Variants in EPPIN observed in about 807,000 individuals in gnomAD.
The protein encoded by EPPIN is WAP four-disulfide core domain protein 7.
In EPPIN, 14 loss-of-function variants were observed where a neutral mutation model predicts 18.8. The ratio of observed to expected loss-of-function variants is 0.75; its 90% CI spans 0.49 to 1.17. The LOEUF (loss-of-function observed/expected upper bound fraction) is 1.17, where lower values mean the gene tolerates loss of function less well. EPPIN is among the 50% of genes most tolerant of loss of function. The pLI is 0.00. For missense variants in EPPIN, 143 were observed against 154.2 expected, an observed-to-expected ratio of 0.93 and a Z score of 0.39; for synonymous variants, 57 against 54.8, an observed-to-expected ratio of 1.04 and a Z score of -0.18.
At position 45,542,126 on chromosome 20, in the gene EPPIN, C is replaced by T; in HGVS notation, c.*18G>A. The T allele has an allele frequency of 1.2e-6, 2 of 1,613,562 alleles. No individual in the cohort carries two copies. Among genetic ancestry groups the T allele is most frequent in the South Asian group, 1.1e-5 (1 of 90,982 alleles). ...ATGAGCCACATTCTGGCAGTTCTTC[C>T]AGTGCATCCTTATCCAATCAGGGAA... On this transcript the variant is annotated 3_prime_UTR_variant, in exon 4 of 4. Transcript: ENST00000354280.
chr20:45,545,104 A>G (rs186637249), intron 2 of EPPIN: 1 of 154,330 alleles, frequency 6.5e-6, no homozygotes, highest in African/African-American at 2.4e-5. Context: ...TGTTGAATGA[A>G]TAAAAACAGA....
At position 45,547,388 on chromosome 20, in the gene EPPIN, C is replaced by G. The variant is rs1979883482; in HGVS notation, c.-31G>C. The G allele has an allele frequency of 6.2e-7, 1 of 1,612,070 alleles. No homozygotes were observed. The highest frequency in any genetic ancestry group is 8.5e-7 in the Non-Finnish European group (1 of 1,179,662). ...AGAGAGGCCAGCCTTTCTGGTGGTTCCCGAATTTGGAATGCTCAGCTGCTG... is the reference window on the plus strand; with the variant it reads ...AGAGAGGCCAGCCTTTCTGGTGGTTGCCGAATTTGGAATGCTCAGCTGCTG... On this transcript the variant is annotated 5_prime_UTR_variant, in exon 1 of 4. Transcript: ENST00000354280.
chr20:45,545,925 C>T, intron 1 of EPPIN, 155 bp from the exon 2 acceptor site: 1 of 1,117,024 alleles, frequency 9.0e-7, no homozygotes, highest in Non-Finnish European at 1.3e-6. Flanking sequence ...CACTCATTTC[C>T]CTACTGCCTA....
At chr20:45,543,052 C>G in intron 2 of EPPIN, 185 bp from the exon 3 acceptor site, 1 of 944,580 alleles carries the variant, frequency 1.1e-6, no homozygotes, top group Non-Finnish European at 1.5e-6. Flanking sequence ...GAGTGGGCAT[C>G]TGCATCCCTG....
chr20:45,543,879 C>T (rs1026937897), intron 2 of EPPIN: 3 of 152,610 alleles, frequency 2.0e-5, no homozygotes, highest in Non-Finnish European at 2.9e-5. Flanking sequence ...CTCTATACCT[C>T]CATCCCTTTG....
Position 45,542,699 on chromosome 20 carries a change from C to G in EPPIN, c.391+1G>C, listed in dbSNP as rs199533646. 1.9e-5 allele frequency: 30 copies of G among 1,613,154 alleles called. No individual in the cohort carries two copies. The highest frequency in any genetic ancestry group is 5.1e-6 in the Non-Finnish European group (6 of 1,179,582). ...GAAAGACCGGGGCCCCTAGGACTTA[C>G]GTTTATTCTTGCAGGTGTTCAGGCA... On this transcript the variant is annotated splice_donor_variant, in intron 3 of 3. Transcript: ENST00000354280. LOFTEE classifies it high-confidence loss of function.
chr20:45,543,871 C>T (rs1401652971), intron 2 of EPPIN: 2 of 152,654 alleles, frequency 1.3e-5, no homozygotes, highest in Admixed American at 6.5e-5. Context: ...CGTGCTACCT[C>T]TATACCTCCA....
intron 1 of EPPIN, among the ~76,000 whole-genome samples, chr20:45,546,884 A>G (rs1043956027): frequency 6.6e-6 from 1 of 152,168 alleles, no homozygotes; most frequent in African/African-American, 2.4e-5. Context: ...TTATGGGACT[A>G]CATTTGAAAG....
At chr20:45,542,238 G>A in intron 3 of EPPIN, 84 bp from the exon 4 acceptor site, 1 of 1,565,306 alleles carries the variant, frequency 6.4e-7, no homozygotes, top group South Asian at 1.2e-5. Context: ...ATACATCTTT[G>A]CACAGAAAGA....
At chr20:45,545,036 C>G (rs917550367) in intron 2 of EPPIN, 1 of 152,360 alleles carries the variant, frequency 6.6e-6, no homozygotes, top group Non-Finnish European at 1.5e-5. Context: ...ATCCCAACCC[C>G]CCTGACCACA....
At chr20:45,543,048 G>A in intron 2 of EPPIN, 181 bp from the exon 3 acceptor site, 1 of 966,316 alleles carries the variant, frequency 1.0e-6, no homozygotes, top group Non-Finnish European at 1.4e-6. Context: ...CCCAGAGTGG[G>A]CATCTGCATC....
chr20:45,543,083 G>A (rs1443879213), intron 2 of EPPIN: 4 of 740,152 alleles, frequency 5.4e-6, no homozygotes, highest in African/African-American at 3.6e-5. Flanking sequence ...TGTTGCAGGT[G>A]TAATTAGCTA....
intron 2 of EPPIN, 153 bp downstream of exon 2, chr20:45,545,486 G>T: frequency 1.5e-6 from 2 of 1,293,450 alleles, no homozygotes; most frequent in Non-Finnish European, 1.1e-6. Context: ...CACCATATTT[G>T]GCACAGTAAT....
At chr20:45,542,244 A>C in intron 3 of EPPIN, 90 bp from the exon 4 acceptor site, 1 of 1,545,048 alleles carries the variant, frequency 6.5e-7, no homozygotes, top group Non-Finnish European at 8.8e-7. Flanking sequence ...CTTTGCACAG[A>C]AAGACACTAA....
At position 45,542,861 on chromosome 20, in the gene EPPIN, C is replaced by T; in HGVS notation, c.230G>A (p.Cys77Tyr). ...KKCLDLKQDVCEMPKETGPCL... is the reference protein window; with the variant it reads ...KKCLDLKQDVYEMPKETGPCL... Reference sequence around the variant, plus strand: ...GGGGCCAGTTTCTTTTGGCATTTCGCATACATCTGCAGAGAGACTCCAGAG... The same window carrying T: ...GGGGCCAGTTTCTTTTGGCATTTCGTATACATCTGCAGAGAGACTCCAGAG... The change falls in exon 3 of 4, where the codon TGC (cysteine) becomes TAC (tyrosine). Residue 77 changes from cysteine to tyrosine, a missense_variant. Transcript: ENST00000354280. 1 of 1,612,600 alleles carries T rather than the reference C, an allele frequency of 6.2e-7. No individual in the cohort carries two copies. The highest frequency in any genetic ancestry group is 1.1e-5 in the South Asian group (1 of 90,844).
rs1409507362 is a variant in EPPIN, at chr20:45,541,691, A to G, written c.*453T>C. 2 of 157,070 alleles carry G rather than the reference A, an allele frequency of 1.3e-5. No homozygotes were observed. The highest frequency in any genetic ancestry group is 3.7e-4 in the East Asian group (2 of 5,344). 9.7% of individuals were successfully genotyped at this position (157,070 alleles called of 1,614,324 possible). ...TACAATCTTTTGTAGAAACAGAGGA[A>G]GATAACAATAACAATATTCCTGGAA... On this transcript the variant is annotated 3_prime_UTR_variant, in exon 4 of 4. Coordinates refer to ENST00000354280, the MANE Select transcript of EPPIN (RefSeq NM_020398.4).
In EPPIN at chr20:45,541,526, T is replaced by C. The variant is rs1224591667; in HGVS notation, c.*618A>G. The C allele has an allele frequency of 6.6e-6, 1 of 152,346 alleles. No homozygotes were observed. The highest frequency in any genetic ancestry group is 1.5e-5 in the Non-Finnish European group (1 of 68,170). 9.4% of individuals were successfully genotyped at this position (152,346 alleles called of 1,614,324 possible). A position where few individuals can be genotyped will look rare whatever the true frequency, so the allele number is the denominator to read the frequency against. On this transcript the variant is annotated 3_prime_UTR_variant, in exon 4 of 4. Coordinates refer to ENST00000354280, the MANE Select transcript of EPPIN (RefSeq NM_020398.4). The stretch of plus-strand genomic sequence containing the variant: ...TCTCTCTTCCCTTCTCTTCCCTGAA[T>C]TACTCATCTCACTCCCCATCTTGTA...
At chr20:45,542,673 T>G in intron 3 of EPPIN, 27 bp downstream of exon 3, 1 of 1,607,274 alleles carries the variant, frequency 6.2e-7, no homozygotes, top group Non-Finnish European at 8.5e-7. Flanking sequence ...CTGGAGAGGA[T>G]GAAAGACCGG....
chr20:45,546,136 A>G (rs181741444), intron 1 of EPPIN: 141 of 337,340 alleles, frequency 4.2e-4, no homozygotes, highest in African/African-American at 2.8e-3. Context: ...CCTGATTGTA[A>G]CAACTGAAAA....
Sources: allele counts gnomAD v4.1 joint callset (sites outside exome capture counted in the v4.1 genomes callset), GRCh38; gene constraint gnomAD v4.1.1; transcripts MANE v1.5; gene names NCBI Gene and HGNC (gene_info 2026-07-23, HGNC 2026-07-21).